Variants in DSCAML1 observed in about 807,000 individuals in gnomAD.
DSCAML1 encodes the protein DS cell adhesion molecule like 1, also known as cell adhesion molecule DSCAML1.
In DSCAML1, 38 loss-of-function variants were observed where a neutral mutation model predicts 200.5. That is an observed-to-expected ratio of 0.19 (90% CI 0.15 to 0.25). DSCAML1 has a LOEUF of 0.25. DSCAML1 is among the 10% of genes least tolerant of loss of function. DSCAML1 has a pLI of 1.00. For missense variants in DSCAML1, 2,223 were observed against 2,858.8 expected, an observed-to-expected ratio of 0.78 and a Z score of 5.07; for synonymous variants, 1,215 against 1,165.0, an observed-to-expected ratio of 1.04 and a Z score of -0.87.
chr11:117,433,269 A>G lies in DSCAML1; in HGVS notation c.4908-13T>C. 6.2e-7 allele frequency: 1 copy of G among 1,602,498 alleles called. No individual in the cohort carries two copies. The highest frequency in any genetic ancestry group is 8.5e-7 in the Non-Finnish European group (1 of 1,173,526). Reference sequence around the variant, plus strand: ...TCTATTGTTCTTGCTGTGGGGAGAAAGACTGGAGGTGGTGGCTCAGCAGCC... The same window carrying G: ...TCTATTGTTCTTGCTGTGGGGAGAAGGACTGGAGGTGGTGGCTCAGCAGCC... On this transcript the variant is annotated splice_polypyrimidine_tract_variant and intron_variant, in intron 28 of 32. Transcript: ENST00000651296.
At chr11:117,725,704 C>T (rs1267603781) in intron 3 of DSCAML1, among the ~76,000 whole-genome samples, 1 of 152,258 alleles carries the variant, frequency 6.6e-6, no homozygotes, top group East Asian at 1.9e-4. Context: ...AGGGCCTAGA[C>T]ACAGGGCTGG....
At chr11:117,648,620 C>T (rs944744034) in intron 3 of DSCAML1, among the ~76,000 whole-genome samples, 2 of 152,274 alleles carry the variant, frequency 1.3e-5, no homozygotes, top group East Asian at 3.9e-4. Flanking sequence ...AATTCACTTC[C>T]TCTGCAAGAT....
Position 117,577,489 on chromosome 11 carries a change from CCTTCCTTCCTT to C in DSCAML1, c.512-44978_512-44968del, listed in dbSNP as rs2050960576. Among the ~76,000 whole-genome samples, 4 of 23,012 alleles carry C rather than the reference CCTTCCTTCCTT, an allele frequency of 1.7e-4. No individual in the cohort carries two copies. The Admixed American group carries it at 1.9e-3, about 11-fold the overall frequency. The allele number at this position is 23,012 out of a possible 152,430, so 15.1% of individuals were successfully genotyped here. ...TCCTTCCTTCCTTCCTTCCTTCCTT[CCTTCCTTCCTT>C]CCTTCCCTCCTTCCTTCCTTCCTTC... On this transcript the variant is annotated intron_variant, in intron 3 of 32. Transcript: ENST00000651296.
rs1565666476 is a variant in DSCAML1, at chr11:117,428,514, A to G, written c.5976T>C (p.Pro1992=). Residue 1992 remains proline (P), a synonymous_variant, in exon 33 of 33, where the codon CCT becomes CCC. Coordinates refer to ENST00000651296, the MANE Select transcript of DSCAML1 (RefSeq NM_020693.4). Reference sequence around the variant, plus strand: ...CGCTGGGGGCGGTGGGTGGCTCAGCAGGGGTGGGGCCGGGGGCTGGGGGGG... The same window carrying G: ...CGCTGGGGGCGGTGGGTGGCTCAGCGGGGGTGGGGCCGGGGGCTGGGGGGG... ...GTAPPAPGPT[P]AEPPTAPSAA... The G allele has an allele frequency of 4.1e-6, 4 of 968,146 alleles. No homozygotes were observed. Among genetic ancestry groups the G allele is most frequent in the African/African-American group, 4.0e-5 (2 of 50,186 alleles). The allele number at this position is 968,146 out of a possible 1,614,324, so 60.0% of individuals were successfully genotyped here. A position where few individuals can be genotyped will look rare whatever the true frequency, so the allele number is the denominator to read the frequency against.
At chr11:117,692,053 T>C (rs1299721905) in intron 3 of DSCAML1, among the ~76,000 whole-genome samples, 1 of 152,122 alleles carries the variant, frequency 6.6e-6, no homozygotes, top group African/African-American at 2.4e-5. Flanking sequence ...AAAATAAATA[T>C]GTCCATTTCA....
intron 3 of DSCAML1, among the ~76,000 whole-genome samples, chr11:117,552,641 G>C (rs2050488926): frequency 6.6e-6 from 1 of 152,212 alleles, no homozygotes; most frequent in Non-Finnish European, 1.5e-5. Context: ...ATATATGCAA[G>C]AGGGTCCTGT....
chr11:117,482,286 G>T, intron 11 of DSCAML1, 124 bp from the exon 12 acceptor site: 1 of 1,169,426 alleles, frequency 8.6e-7, no homozygotes, highest in Non-Finnish European at 1.2e-6. Flanking sequence ...CAATAAAGGA[G>T]TACAGGGAAC....
chr11:117,596,388 A>G (rs57267702), intron 3 of DSCAML1, among the ~76,000 whole-genome samples: 24 of 71,712 alleles, frequency 3.3e-4, no homozygotes, highest in South Asian at 1.2e-3. Flanking sequence ...TCTTCTCAGG[A>G]AAAAAAAAAA....
chr11:117,506,291 A>C (rs922271671), intron 8 of DSCAML1, among the ~76,000 whole-genome samples: 1 of 152,180 alleles, frequency 6.6e-6, no homozygotes, highest in Non-Finnish European at 1.5e-5. Context: ...AGGCGAGTGG[A>C]AGCTCACATC....
intron 8 of DSCAML1, among the ~76,000 whole-genome samples, chr11:117,508,730 A>G (rs373148176): frequency 8.3e-4 from 126 of 152,110 alleles, no homozygotes; most frequent in Non-Finnish European, 1.4e-3. Context: ...GGAGAACAGG[A>G]TGTATGGGCA....
chr11:117,607,292 G>A (rs1591316356), intron 3 of DSCAML1, among the ~76,000 whole-genome samples: 1 of 152,330 alleles, frequency 6.6e-6, no homozygotes, highest in South Asian at 2.1e-4. Flanking sequence ...GGAGGAGAGA[G>A]GCAAATGGGG....
At chr11:117,473,506 AAAAAC>A (rs902547053) in intron 14 of DSCAML1, among the ~76,000 whole-genome samples, 24 of 152,324 alleles carry the variant, frequency 1.6e-4, no homozygotes, top group East Asian at 7.7e-4. Flanking sequence ...CAAAAATGAA[AAAAAC>A]AAAACAAAAC....
intron 3 of DSCAML1, among the ~76,000 whole-genome samples, chr11:117,645,692 T>C (rs1218966637): frequency 3.6e-5 from 5 of 138,360 alleles, no homozygotes; most frequent in South Asian, 2.2e-4. Flanking sequence ...TAGGTGGGAA[T>C]TGAACAATGA....
At chr11:117,613,569 G>C (rs1002953271) in intron 3 of DSCAML1, among the ~76,000 whole-genome samples, 4 of 152,042 alleles carry the variant, frequency 2.6e-5, no homozygotes, top group Non-Finnish European at 4.4e-5. Context: ...TTAAATACTC[G>C]GGGCTGGCTA....
chr11:117,787,025 T>A (rs1184333692), intron 1 of DSCAML1, among the ~76,000 whole-genome samples: 1 of 152,212 alleles, frequency 6.6e-6, no homozygotes, highest in African/African-American at 2.4e-5. Flanking sequence ...GGGCAGTGAC[T>A]GTCTAGTCAC....
chr11:117,551,880 C>T (rs1328465111), intron 3 of DSCAML1, among the ~76,000 whole-genome samples: 1 of 152,018 alleles, frequency 6.6e-6, no homozygotes, highest in Non-Finnish European at 1.5e-5. Flanking sequence ...GCTTCTGATA[C>T]CAGCAGAAAA....
At chr11:117,596,068 G>A (rs959490038) in intron 3 of DSCAML1, among the ~76,000 whole-genome samples, 7 of 152,176 alleles carry the variant, frequency 4.6e-5, no homozygotes, top group South Asian at 2.1e-4. Flanking sequence ...CAAGCCCATC[G>A]CTCCTGCAGA....
chr11:117,635,995 T>G (rs945485057), intron 3 of DSCAML1, among the ~76,000 whole-genome samples: 1 of 152,098 alleles, frequency 6.6e-6, no homozygotes, highest in Admixed American at 6.5e-5. Flanking sequence ...ACAAAGAACA[T>G]GCAACTGAGC....
At chr11:117,471,056 A>G (rs1041065590) in intron 15 of DSCAML1, among the ~76,000 whole-genome samples, 14 of 152,200 alleles carry the variant, frequency 9.2e-5, no homozygotes, top group Non-Finnish European at 2.1e-4. Flanking sequence ...ATGACCAGAA[A>G]GGGGTACATG....
Sources: gnomAD v4.1 joint callset for allele counts (sites outside exome capture counted in the v4.1 genomes callset) on GRCh38, gnomAD v4.1.1 for gene constraint, MANE v1.5 for transcripts, NCBI Gene and HGNC (gene_info 2026-07-23, HGNC 2026-07-21) for gene names.